SIK3: variants seen among roughly 807,000 people sequenced by gnomAD.
SIK3 encodes the protein SIK family kinase 3.
Under a neutral mutation model 144.2 loss-of-function variants are expected in SIK3, and 28 were observed. The observed-to-expected ratio is 0.19, with a 90% CI of 0.14 to 0.27. SIK3 has a LOEUF of 0.27. Among genes scored for constraint, SIK3 ranks in the 10% least tolerant of loss-of-function variants. SIK3 has a pLI of 1.00. For missense variants in SIK3, 1,319 were observed against 1,776.0 expected, an observed-to-expected ratio of 0.74 and a Z score of 4.62; for synonymous variants, 686 against 676.3, an observed-to-expected ratio of 1.01 and a Z score of -0.22.
intron 1 of SIK3, among the ~76,000 whole-genome samples, chr11:117,070,697 C>G (rs1000878228): frequency 6.6e-6 from 1 of 151,682 alleles, no homozygotes; most frequent in African/African-American, 2.4e-5. Context: ...CCACCCGCCT[C>G]TGCCTTCCAA....
chr11:116,863,600 A>T, intron 16 of SIK3, 68 bp downstream of exon 16: 1 of 1,605,146 alleles, frequency 6.2e-7, no homozygotes, highest in Non-Finnish European at 8.5e-7. Flanking sequence ...TTACCACCCC[A>T]GTCCTCCTGC....
chr11:116,880,577 T>C (rs890194706), intron 6 of SIK3, among the ~76,000 whole-genome samples: 3 of 152,218 alleles, frequency 2.0e-5, no homozygotes, highest in African/African-American at 7.2e-5. Context: ...TGCAGAAAGC[T>C]AGAGTATCAT....
rs188008539 is a variant in SIK3, at chr11:116,994,276, T to C, written c.274-37212A>G. 2.0e-5 allele frequency among the ~76,000 whole-genome samples: 3 copies of C among 152,272 alleles called. No individual in the cohort carries two copies. In the East Asian group the frequency reaches 5.8e-4, roughly 29 times the overall value. On this transcript the variant is annotated intron_variant, in intron 1 of 24. Transcript: ENST00000445177. ...TCCAAGCCAAACCTTTGTCCTAAGA[T>C]CACTAAGCCACATTGTAGGTAAGGA...
At chr11:117,033,725 GAAAGA>G (rs1299761549) in intron 1 of SIK3, among the ~76,000 whole-genome samples, 79 of 124,268 alleles carry the variant, frequency 6.4e-4, no homozygotes, top group African/African-American at 2.3e-3. Context: ...AAAAAAAAAA[GAAAGA>G]AAAGAAAAGA....
rs1051375202 is a variant in SIK3 at position 116,955,123 on chromosome 11, C to T, written c.391-1016G>A. On this transcript the variant is annotated intron_variant, in intron 2 of 24. Coordinates refer to ENST00000445177, the MANE Select transcript of SIK3 (RefSeq NM_001366686.3). ...AATTAAAAATTCAGTTCCGGCCAGG[C>T]GCAGTGGCTCACGCCTGTAATCCCA... Among the ~76,000 whole-genome samples the T allele has an allele frequency of 8.5e-5, 13 of 152,140 alleles. 1 individual carries two copies. The highest frequency in any genetic ancestry group is 1.5e-4 in the Non-Finnish European group (10 of 68,034).
At chr11:116,993,975 T>G (rs1950578967) in intron 1 of SIK3, among the ~76,000 whole-genome samples, 1 of 152,230 alleles carries the variant, frequency 6.6e-6, no homozygotes, top group Admixed American at 6.5e-5. Flanking sequence ...GTGCATGTAT[T>G]CTTTCAGAGA....
At chr11:116,952,484 T>C (rs1591413237) in intron 3 of SIK3, among the ~76,000 whole-genome samples, 1 of 152,240 alleles carries the variant, frequency 6.6e-6, no homozygotes, top group African/African-American at 2.4e-5. Flanking sequence ...AGGTTTATCA[T>C]AACATGTGCC....
chr11:116,929,219 A>G lies in SIK3; in HGVS notation c.455-1839T>C, dbSNP rs188066580. ...CCTATTTCTCTTAACCCAAGGCCTA[A>G]TTATTCTAATAATATGTTTTAGTTG... On this transcript the variant is annotated intron_variant, in intron 3 of 24. Coordinates refer to ENST00000445177, the MANE Select transcript of SIK3 (RefSeq NM_001366686.3). 1.6e-3 allele frequency among the ~76,000 whole-genome samples: 240 copies of G among 152,312 alleles called. 1 individual carries two copies. Among genetic ancestry groups the G allele is most frequent in the African/African-American group, 5.4e-3 (224 of 41,568 alleles).
intron 4 of SIK3, among the ~76,000 whole-genome samples, chr11:116,905,922 G>A (rs1031880484): frequency 1.3e-5 from 2 of 152,160 alleles, no homozygotes; most frequent in African/African-American, 4.8e-5. Context: ...TCATTATCTT[G>A]ATGATGTCCT....
chr11:117,023,589 CAAACAAACAAACAAACAAACAAA>C (rs1322336672), intron 1 of SIK3, among the ~76,000 whole-genome samples: 1 of 37,214 alleles, frequency 2.7e-5, no homozygotes, highest in African/African-American at 2.2e-4. Flanking sequence ...TAAAAACAAA[CAAACAAACAAACAAACAAACAAA>C]AAAAAAAAAA....
Position 116,875,985 on chromosome 11 carries a change from G to T in SIK3, c.1120C>A (p.His374Asn), listed in dbSNP as rs1174025786. 3.7e-6 allele frequency: 6 copies of T among 1,613,110 alleles called. No individual in the cohort carries two copies. Among genetic ancestry groups the T allele is most frequent in the Middle Eastern group, 3.3e-4 (2 of 6,072 alleles). ...AGCAGGCTGTAGATTGCACTATAGT[G>T]ATCATAGGCATCTGATCTTAATGAC... ...LQSLRSDAYD[H>N]YSAIYSLLCD... Residue 374 changes from histidine (H) to asparagine (N), a missense_variant, in exon 9 of 25, where the codon CAC becomes AAC. Physicochemically the swap from His to Asn is moderately conservative, Grantham distance 68 (BLOSUM62 1). Transcript: ENST00000445177.
chr11:117,027,190 T>C (rs1407281326), intron 1 of SIK3, among the ~76,000 whole-genome samples: 1 of 152,218 alleles, frequency 6.6e-6, no homozygotes, highest in Admixed American at 6.5e-5. Flanking sequence ...AAGGTTATAG[T>C]AGCATTTCTT....
chr11:116,924,497 C>A (rs1426221375), intron 4 of SIK3, among the ~76,000 whole-genome samples: 1 of 152,026 alleles, frequency 6.6e-6, no homozygotes, highest in Non-Finnish European at 1.5e-5. Context: ...TTAAGAATTG[C>A]AAACTATACT....
chr11:117,039,548 C>T (rs948879173), intron 1 of SIK3, among the ~76,000 whole-genome samples: 2 of 152,192 alleles, frequency 1.3e-5, no homozygotes, highest in Admixed American at 6.5e-5. Context: ...AGACATGTTA[C>T]TATGAAGTTG....
At chr11:116,965,250 C>T (rs1949486033) in intron 1 of SIK3, among the ~76,000 whole-genome samples, 1 of 151,978 alleles carries the variant, frequency 6.6e-6, no homozygotes, top group Non-Finnish European at 1.5e-5. Context: ...CGAGTGTCTC[C>T]AATATTATGA....
At chr11:117,013,950 G>T (rs1374284717) in intron 1 of SIK3, among the ~76,000 whole-genome samples, 8 of 40,974 alleles carry the variant, frequency 2.0e-4, no homozygotes, top group East Asian at 4.5e-4. Context: ...GTGTGTGTGT[G>T]TTTTATTTCT....
chr11:117,027,230 T>A (rs1952049344), intron 1 of SIK3, among the ~76,000 whole-genome samples: 1 of 152,198 alleles, frequency 6.6e-6, no homozygotes, highest in Non-Finnish European at 1.5e-5. Context: ...CTGCTCTAAC[T>A]ATACATCTCT....
intron 1 of SIK3, among the ~76,000 whole-genome samples, chr11:117,000,238 G>A (rs185548944): frequency 3.3e-5 from 5 of 152,232 alleles, no homozygotes; most frequent in Admixed American, 6.5e-5. Context: ...TCTTAAAAAC[G>A]ACTTCCTCAA....
intron 1 of SIK3, among the ~76,000 whole-genome samples, chr11:117,096,652 G>A (rs188782243): frequency 6.6e-6 from 1 of 152,188 alleles, no homozygotes; most frequent in East Asian, 1.9e-4. Context: ...GGCTGAAGAG[G>A]GCCCTCCAGA....
Sources: allele counts gnomAD v4.1 joint callset (sites outside exome capture counted in the v4.1 genomes callset), GRCh38; gene constraint gnomAD v4.1.1; transcripts MANE v1.5; gene names NCBI Gene and HGNC (gene_info 2026-07-23, HGNC 2026-07-21).